RGS20: variants seen among roughly 807,000 people sequenced by gnomAD.
The protein encoded by RGS20 is gz-selective GTPase-activating protein.
RGS20 carries 30 observed loss-of-function variants against 33.6 expected under a neutral mutation model. That is an observed-to-expected ratio of 0.89 (90% CI 0.67 to 1.21). The LOEUF is 1.21. Among genes scored for constraint, RGS20 ranks in the 50% most tolerant of loss-of-function variants. The pLI, the probability that RGS20 is intolerant of heterozygous loss-of-function variation, is 0.00. For missense variants in RGS20, 472 were observed against 502.4 expected (o/e 0.94, Z 0.58); for synonymous variants, 208 against 197.9 (o/e 1.05, Z -0.43).
intron 3 of RGS20, among the ~76,000 whole-genome samples, chr8:53,945,887 CAA>C (rs35273543): frequency 2.2e-5 from 3 of 136,406 alleles, no homozygotes; most frequent in African/African-American, 2.7e-5. Context: ...ACTTGGTCTC[CAA>C]AAAAAAAAAA....
At chr8:53,882,837 G>A (rs1047259674) in intron 2 of RGS20, among the ~76,000 whole-genome samples, 33 of 152,140 alleles carry the variant, frequency 2.2e-4, no homozygotes, top group Non-Finnish European at 3.5e-4. Flanking sequence ...AGTGTGGGGA[G>A]GAAGGGGCTT....
chr8:53,852,985 G>A (rs187240334), intron 1 of RGS20, among the ~76,000 whole-genome samples: 2 of 151,832 alleles, frequency 1.3e-5, no homozygotes, highest in Admixed American at 1.3e-4. Flanking sequence ...AAAAATATAC[G>A]GACCTGTTCT....
chr8:53,956,265 C>G (rs1316132310), intron 5 of RGS20, among the ~76,000 whole-genome samples: 2 of 152,064 alleles, frequency 1.3e-5, no homozygotes, highest in Middle Eastern at 3.2e-3. Flanking sequence ...GCTTACCAAA[C>G]TATTAGGGCT....
intron 2 of RGS20, among the ~76,000 whole-genome samples, chr8:53,934,598 A>C (rs558100627): frequency 6.6e-6 from 1 of 152,240 alleles, no homozygotes; most frequent in Non-Finnish European, 1.5e-5. Context: ...AGGAGCATCC[A>C]TATTCATAAA....
intron 2 of RGS20, among the ~76,000 whole-genome samples, chr8:53,915,214 C>G (rs1813451812): frequency 6.6e-6 from 1 of 152,136 alleles, no homozygotes; most frequent in Non-Finnish European, 1.5e-5. Flanking sequence ...TTCCCCTCAC[C>G]CAGCTTTGGC....
intron 2 of RGS20, among the ~76,000 whole-genome samples, chr8:53,916,186 C>G (rs1813478508): frequency 6.6e-6 from 1 of 152,128 alleles, no homozygotes; most frequent in South Asian, 2.1e-4. Context: ...CAAAGTCCGG[C>G]TAATTTTTTA....
At chr8:53,920,196 T>C (rs1364233339) in intron 2 of RGS20, among the ~76,000 whole-genome samples, 1 of 152,206 alleles carries the variant, frequency 6.6e-6, no homozygotes, top group African/African-American at 2.4e-5. Context: ...TTCTTTACTT[T>C]CAACAATCGT....
chr8:53,919,897 G>T (rs1359471330), intron 2 of RGS20, among the ~76,000 whole-genome samples: 1 of 151,102 alleles, frequency 6.6e-6, no homozygotes, highest in Non-Finnish European at 1.5e-5. Context: ...TTTTTTGTTT[G>T]TTTGTTTGTT....
intron 2 of RGS20, among the ~76,000 whole-genome samples, chr8:53,893,623 C>T (rs1328997061): frequency 6.6e-6 from 1 of 152,202 alleles, no homozygotes. Flanking sequence ...TAAGTCAAAG[C>T]ATAAGAGTGA....
chr8:53,916,364 CAT>C (rs1008774257), intron 2 of RGS20, among the ~76,000 whole-genome samples: 17 of 152,148 alleles, frequency 1.1e-4, no homozygotes, highest in African/African-American at 4.1e-4. Flanking sequence ...AATTTACTGA[CAT>C]ATTTTATCAA....
chr8:53,905,669 C>T (rs1391361969), intron 2 of RGS20, among the ~76,000 whole-genome samples: 2 of 150,618 alleles, frequency 1.3e-5, no homozygotes, highest in Non-Finnish European at 2.9e-5. Context: ...TCTTGCAGTA[C>T]GTGATTCAGA....
At chr8:53,869,177 G>A (rs545405785) in intron 1 of RGS20, among the ~76,000 whole-genome samples, 1 of 152,206 alleles carries the variant, frequency 6.6e-6, no homozygotes, top group African/African-American at 2.4e-5. Flanking sequence ...TACTCTTTGG[G>A]GATATAGAAT....
At chr8:53,887,100 C>T (rs11993779) in intron 2 of RGS20, 10,302 of 164,328 alleles carry the variant, frequency 0.063, 1,167 homozygotes, top group African/African-American at 0.23. Context: ...ACTCCAGCAC[C>T]GCATTCATCT....
chr8:53,858,742 G>A (rs992036575), intron 1 of RGS20, among the ~76,000 whole-genome samples: 2 of 152,054 alleles, frequency 1.3e-5, no homozygotes, highest in African/African-American at 4.8e-5. Flanking sequence ...AGCAAGGAAG[G>A]TGGAGAAGGG....
intron 2 of RGS20, among the ~76,000 whole-genome samples, chr8:53,889,413 T>TCTC (rs1491573908): frequency 3.9e-5 from 1 of 25,616 alleles, no homozygotes; most frequent in African/African-American, 3.8e-4. Context: ...TCTCTCTCTC[T>TCTC]TTTTTTTTTT....
intron 1 of RGS20, among the ~76,000 whole-genome samples, chr8:53,874,907 T>G (rs969996514): frequency 6.6e-6 from 1 of 152,206 alleles, no homozygotes; most frequent in Non-Finnish European, 1.5e-5. Context: ...TTTTAATATG[T>G]AAATTTTGGG....
chr8:53,901,062 C>CTTTT (rs367844788), intron 2 of RGS20, among the ~76,000 whole-genome samples: 1 of 131,250 alleles, frequency 7.6e-6, no homozygotes, highest in Admixed American at 7.6e-5. Flanking sequence ...ATACTTGTCT[C>CTTTT]TTTTTTTTTT....
At chr8:53,934,199 A>G (rs1300104659) in intron 2 of RGS20, among the ~76,000 whole-genome samples, 1 of 152,212 alleles carries the variant, frequency 6.6e-6, no homozygotes, top group East Asian at 1.9e-4. Flanking sequence ...AACTGCATCA[A>G]CTAATGGGCA....
chr8:53,859,807 G>A (rs151262954), intron 1 of RGS20, among the ~76,000 whole-genome samples: 25 of 152,334 alleles, frequency 1.6e-4, no homozygotes, highest in East Asian at 9.6e-4. Flanking sequence ...GCAAGAAAGC[G>A]TGTGCAGGGG....
Sources: allele counts gnomAD v4.1 joint callset (sites outside exome capture counted in the v4.1 genomes callset), GRCh38; gene constraint gnomAD v4.1.1; transcripts MANE v1.5; gene names NCBI Gene and HGNC (gene_info 2026-07-23, HGNC 2026-07-21).